Variants in RCOR1 observed in about 807,000 individuals in gnomAD.
RCOR1 encodes the protein REST corepressor.
A neutral mutation model predicts 64.0 loss-of-function variants in RCOR1; 12 were observed. The ratio of observed to expected loss-of-function variants is 0.19; its 90% CI spans 0.12 to 0.30. RCOR1 has a LOEUF of 0.30. Ranked by LOEUF, RCOR1 falls within the 10% of genes least tolerant of loss-of-function variation. The pLI is 1.00. For synonymous variants in RCOR1, 279 were observed against 227.2 expected (o/e 1.23, Z -2.05); for missense variants, 502 against 621.2 (o/e 0.81, Z 2.04).
chr14:102,661,650 C>T (rs1894825683), intron 2 of RCOR1, among the ~76,000 whole-genome samples: 1 of 152,202 alleles, frequency 6.6e-6, no homozygotes, highest in Non-Finnish European at 1.5e-5. Context: ...GGAGTTCCTT[C>T]AGCGCAGGAC....
chr14:102,675,878 C>T (rs1000227615), intron 2 of RCOR1, among the ~76,000 whole-genome samples: 2 of 152,144 alleles, frequency 1.3e-5, no homozygotes, highest in African/African-American at 4.8e-5. Flanking sequence ...CTTGTACTGG[C>T]TTCTTTCACT....
intron 2 of RCOR1, among the ~76,000 whole-genome samples, chr14:102,618,669 C>T (rs908925134): frequency 4.6e-5 from 7 of 152,246 alleles, no homozygotes; most frequent in Non-Finnish European, 5.9e-5. Flanking sequence ...TTTTAAGTGA[C>T]GTTTGTACAT....
chr14:102,636,928 A>ACCATTGCACT (rs1894252678), intron 2 of RCOR1, among the ~76,000 whole-genome samples: 1 of 151,932 alleles, frequency 6.6e-6, no homozygotes, highest in Admixed American at 6.6e-5. Context: ...CTGAGATCGC[A>ACCATTGCACT]CCATTGCACT....
intron 3 of RCOR1, among the ~76,000 whole-genome samples, chr14:102,696,558 G>A (rs1895653039): frequency 6.6e-6 from 1 of 152,164 alleles, no homozygotes; most frequent in East Asian, 1.9e-4. Flanking sequence ...CTTGAGCAGC[G>A]TGGACTTTGC....
At chr14:102,701,215 A>G (rs1895751464) in intron 3 of RCOR1, 63 bp from the exon 4 acceptor site, 11 of 1,312,496 alleles carry the variant, frequency 8.4e-6, no homozygotes, top group Admixed American at 1.7e-5. Context: ...TATCAATTCT[A>G]GCAGACCATA....
intron 2 of RCOR1, among the ~76,000 whole-genome samples, chr14:102,614,878 C>T (rs1466792619): frequency 6.6e-6 from 1 of 151,244 alleles, no homozygotes; most frequent in Non-Finnish European, 1.5e-5. Context: ...GTCGCCCAGG[C>T]TGGAGTGCAG....
intron 3 of RCOR1, among the ~76,000 whole-genome samples, chr14:102,687,027 C>T (rs1409283308): frequency 6.6e-6 from 1 of 152,168 alleles, no homozygotes; most frequent in Non-Finnish European, 1.5e-5. Flanking sequence ...TTAGGTGAAT[C>T]TTAGATTTGT....
At chr14:102,626,631 G>A (rs1893987573) in intron 2 of RCOR1, among the ~76,000 whole-genome samples, 1 of 152,294 alleles carries the variant, frequency 6.6e-6, no homozygotes, top group Admixed American at 6.5e-5. Context: ...TCTCTATGCA[G>A]CTGCTGGAAA....
chr14:102,616,910 G>A (rs1162037040), intron 2 of RCOR1, among the ~76,000 whole-genome samples: 1 of 152,148 alleles, frequency 6.6e-6, no homozygotes, highest in Non-Finnish European at 1.5e-5. Context: ...GGTGGGAGTT[G>A]AAACCATTTG....
chr14:102,729,689 T>C lies in RCOR1; in HGVS notation c.*3183T>C. 2.5e-6 allele frequency: 1 copy of C among 396,398 alleles called. No homozygotes were observed. The highest frequency in any genetic ancestry group is 4.4e-6 in the Non-Finnish European group (1 of 224,930). The allele number at this position is 396,398 out of a possible 1,614,324, so 24.6% of individuals were successfully genotyped here. A position where few individuals can be genotyped will look rare whatever the true frequency, so the allele number is the denominator to read the frequency against. On this transcript the variant is annotated 3_prime_UTR_variant, in exon 12 of 12. Coordinates refer to ENST00000262241, the MANE Select transcript of RCOR1 (RefSeq NM_015156.4). The stretch of plus-strand genomic sequence containing the variant: ...TACCACAGACCACTGTTAAGTGTGC[T>C]CATTGTCACTTTAAATTTCAACGAT...
At chr14:102,715,325 C>T (rs1258257189) in intron 8 of RCOR1, among the ~76,000 whole-genome samples, 1 of 149,814 alleles carries the variant, frequency 6.7e-6, no homozygotes, top group Non-Finnish European at 1.5e-5. Flanking sequence ...CCCGCCTCGG[C>T]CTCCCAAAGT....
chr14:102,678,072 G>T (rs1267180241), intron 2 of RCOR1, among the ~76,000 whole-genome samples: 1 of 151,254 alleles, frequency 6.6e-6, no homozygotes, highest in South Asian at 2.1e-4. Flanking sequence ...GCGTGGCGGC[G>T]CGCGCCTGCA....
chr14:102,684,015 T>C, intron 3 of RCOR1, among the ~76,000 whole-genome samples: 1 of 152,222 alleles, frequency 6.6e-6, no homozygotes, highest in African/African-American at 2.4e-5. Context: ...GCTCTGACCG[T>C]ATCCCGCCTC....
intron 2 of RCOR1, among the ~76,000 whole-genome samples, chr14:102,605,591 C>A (rs892981336): frequency 1.3e-5 from 2 of 152,124 alleles, no homozygotes; most frequent in Non-Finnish European, 2.9e-5. Flanking sequence ...GCCAGTCTTA[C>A]AAAATCTAGC....
intron 8 of RCOR1, among the ~76,000 whole-genome samples, chr14:102,720,029 C>T (rs1896145553): frequency 6.6e-6 from 1 of 152,000 alleles, no homozygotes; most frequent in African/African-American, 2.4e-5. Context: ...GCCAGCAGCC[C>T]CATGTGTGGT....
chr14:102,593,132 C>T lies in RCOR1; in HGVS notation c.246C>T (p.Ser82=). 1.3e-6 allele frequency: 2 copies of T among 1,524,776 alleles called. No homozygotes were observed. Among genetic ancestry groups the T allele is most frequent in the South Asian group, 2.5e-5 (2 of 81,258 alleles). The allele number at this position is 1,524,776 out of a possible 1,614,324, so 94.5% of individuals were successfully genotyped here. A position where few individuals can be genotyped will look rare whatever the true frequency, so the allele number is the denominator to read the frequency against. ...CGGCGGCGGCGCCCAATGGCAACAG[C>T]AGCAGCAACTCCTGGGAGGAAGGCA... is the stretch of plus-strand genomic sequence containing the variant. ...SLAAAAPNGN[S]SSNSWEEGSS... is the part of the protein sequence containing the mutation. Residue 82 remains serine (S), a synonymous_variant, in exon 1 of 12, where the codon AGC becomes AGT. Transcript: ENST00000262241.
At chr14:102,602,458 C>T (rs997548234) in intron 2 of RCOR1, among the ~76,000 whole-genome samples, 8 of 142,140 alleles carry the variant, frequency 5.6e-5, no homozygotes, top group African/African-American at 2.1e-4. Context: ...GCTAGAAATG[C>T]AGTGACGCAG....
intron 2 of RCOR1, among the ~76,000 whole-genome samples, chr14:102,672,445 C>A (rs1404265803): frequency 2.0e-5 from 3 of 152,092 alleles, no homozygotes; most frequent in Non-Finnish European, 4.4e-5. Flanking sequence ...ATCTCCTGAC[C>A]TCATGATCCG....
intron 2 of RCOR1, among the ~76,000 whole-genome samples, chr14:102,621,053 T>G (rs1368231125): frequency 6.6e-6 from 1 of 152,238 alleles, no homozygotes; most frequent in African/African-American, 2.4e-5. Flanking sequence ...CACTGCAACC[T>G]GCATTTCCTG....
Sources: gnomAD v4.1 joint callset for allele counts (sites outside exome capture counted in the v4.1 genomes callset) on GRCh38, gnomAD v4.1.1 for gene constraint, MANE v1.5 for transcripts, NCBI Gene and HGNC (gene_info 2026-07-23, HGNC 2026-07-21) for gene names.